Variants in ITSN1 observed in about 807,000 individuals in gnomAD.
The protein encoded by ITSN1 is intersectin 1, also known as intersectin-1.
A neutral mutation model predicts 239.8 loss-of-function variants in ITSN1; 58 were observed. The ratio of observed to expected loss-of-function variants is 0.24; its 90% CI spans 0.20 to 0.30. ITSN1 has a LOEUF of 0.30. Among genes scored for constraint, ITSN1 ranks in the 10% least tolerant of loss-of-function variants. ITSN1 has a pLI of 1.00. For missense variants in ITSN1, 1,558 were observed against 2,103.3 expected (o/e 0.74, Z 5.07); for synonymous variants, 780 against 770.8 (o/e 1.01, Z -0.20).
At chr21:33,744,400 T>G (rs1030070581) in intron 5 of ITSN1, among the ~76,000 whole-genome samples, 1 of 152,116 alleles carries the variant, frequency 6.6e-6, no homozygotes, top group Admixed American at 6.6e-5. Context: ...ATTTTCAAAT[T>G]GAAAGTATTA....
chr21:33,666,198 T>C (rs569610972), intron 1 of ITSN1, among the ~76,000 whole-genome samples: 5 of 152,346 alleles, frequency 3.3e-5, no homozygotes, highest in East Asian at 1.9e-4. Context: ...TCCAAAGTGC[T>C]GGGATTACAG....
At chr21:33,725,224 C>T (rs139462483) in intron 4 of ITSN1, among the ~76,000 whole-genome samples, 15,231 of 148,506 alleles carry the variant, frequency 0.1, 926 homozygotes, top group East Asian at 0.26. Flanking sequence ...CAACCTCTGC[C>T]TCCCGGCTTC....
chr21:33,869,764 T>TG (rs1982389505), intron 33 of ITSN1, among the ~76,000 whole-genome samples: 1 of 152,082 alleles, frequency 6.6e-6, no homozygotes, highest in South Asian at 2.1e-4. Context: ...ATGTGGGCAC[T>TG]GGCGTGCTCA....
intron 1 of ITSN1, among the ~76,000 whole-genome samples, chr21:33,703,118 C>G (rs1601728902): frequency 7.6e-6 from 1 of 131,930 alleles, no homozygotes; most frequent in Non-Finnish European, 1.6e-5. Flanking sequence ...TGTGTGTATA[C>G]ACATATATAC....
chr21:33,704,903 A>G (rs532108418), intron 1 of ITSN1, among the ~76,000 whole-genome samples: 2 of 147,216 alleles, frequency 1.4e-5, no homozygotes, highest in East Asian at 2.0e-4. Context: ...CCTGGCTAAC[A>G]TGGAGAAACC....
At chr21:33,734,511 A>G (rs2066378638) in intron 4 of ITSN1, among the ~76,000 whole-genome samples, 1 of 152,188 alleles carries the variant, frequency 6.6e-6, no homozygotes, top group South Asian at 2.1e-4. Flanking sequence ...CTAGCATAGC[A>G]TAAGTAGGTA....
intron 4 of ITSN1, among the ~76,000 whole-genome samples, chr21:33,723,946 G>A (rs2065660087): frequency 6.6e-6 from 1 of 152,130 alleles, no homozygotes; most frequent in Non-Finnish European, 1.5e-5. Context: ...TAATCTTGTG[G>A]AAATTAATAA....
chr21:33,732,319 G>T lies in ITSN1; in HGVS notation c.186-2725G>T, dbSNP rs1253816876. Among the ~76,000 whole-genome samples the T allele has an allele frequency of 7.2e-5, 11 of 152,220 alleles. No homozygotes were observed. The East Asian group carries it at 2.1e-3, about 29-fold the overall frequency. ...GGGCCTGAATTCCAAAAGGGAGGAG[G>T]GTATAATGAGGCATGTCTGACTTCC... On this transcript the variant is annotated intron_variant, in intron 4 of 39. Transcript: ENST00000381318.
At chr21:33,834,871 T>TC (rs34437762) in intron 28 of ITSN1, among the ~76,000 whole-genome samples, 1 of 152,064 alleles carries the variant, frequency 6.6e-6, no homozygotes, top group African/African-American at 2.4e-5. Context: ...CCAAAATAGC[T>TC]CCCCTGTGAC....
intron 8 of ITSN1, among the ~76,000 whole-genome samples, chr21:33,756,281 C>A (rs1374249660): frequency 4.3e-5 from 6 of 140,264 alleles, no homozygotes; most frequent in Non-Finnish European, 9.2e-5. Context: ...GAGTGAGACT[C>A]CGTCTCAAAA....
chr21:33,778,578 T>A (rs925492310), intron 14 of ITSN1, among the ~76,000 whole-genome samples: 9 of 116,858 alleles, frequency 7.7e-5, no homozygotes, highest in African/African-American at 3.5e-4. Flanking sequence ...TCTCTTTTTT[T>A]TTTTTTTTTT....
intron 1 of ITSN1, among the ~76,000 whole-genome samples, chr21:33,681,626 A>ATTTTATT (rs773573417): frequency 2.9e-5 from 1 of 34,742 alleles, no homozygotes; most frequent in Admixed American, 2.1e-4. Context: ...TTTTTATTTT[A>ATTTTATT]TTTTATTTTA....
rs553520752 is a variant in ITSN1 at position 33,888,765 on chromosome 21, A to G, written c.*465A>G. On this transcript the variant is annotated 3_prime_UTR_variant, in exon 40 of 40. Transcript: ENST00000381318. ...CCCAGTCCTTGGTGTGAGTTTAGAA[A>G]CAATTATGACGGTCCTGTCATTGCT... The G allele has an allele frequency of 1.9e-3, 295 of 153,444 alleles. No homozygotes were observed. Among genetic ancestry groups the G allele is most frequent in the Non-Finnish European group, 3.4e-3 (236 of 68,894 alleles). The allele number at this position is 153,444 out of a possible 1,614,324, so 9.5% of individuals were successfully genotyped here. A position where few individuals can be genotyped will look rare whatever the true frequency, so the allele number is the denominator to read the frequency against.
rs74756392 is a variant in ITSN1 at position 33,762,514 on chromosome 21, C to T, written c.788+528C>T. On this transcript the variant is annotated intron_variant, in intron 9 of 39. Transcript: ENST00000381318. ...TCCCAACCTCAGATGATCCACCCGC[C>T]TCAGCCTCCCAAAGTGCTGGAATTA... Among the ~76,000 whole-genome samples the T allele has an allele frequency of 8.1e-4, 123 of 152,282 alleles. 2 individuals are homozygous for T. In the East Asian group the frequency reaches 0.021, roughly 26 times the overall value.
rs1443009054 is a variant in ITSN1, at chr21:33,750,293, T to C, written c.497T>C (p.Ile166Thr). ...CTGGCTAACGGGGCTCCCCCTGTTATACAACCTCTGCCTGCATTTGCTCAT... is the reference window on the plus strand; with the variant it reads ...CTGGCTAACGGGGCTCCCCCTGTTACACAACCTCTGCCTGCATTTGCTCAT... ...PPLANGAPPV[I>T]QPLPAFAHPA... The change falls in exon 6 of 40, where the codon ATA becomes ACA. Residue 166 changes from isoleucine to threonine, a missense_variant. Ile to Thr is a moderately conservative substitution (Grantham distance 89, BLOSUM62 -1). This residue lies in a region of ITSN1 where 982 missense variants were observed against 1,209.9 expected (regional missense o/e 0.81). Transcript: ENST00000381318. 3 of 1,613,604 alleles carry C rather than the reference T, an allele frequency of 1.9e-6. No homozygotes were observed. Among genetic ancestry groups the C allele is most frequent in the African/African-American group, 1.3e-5 (1 of 75,066 alleles).
intron 1 of ITSN1, among the ~76,000 whole-genome samples, chr21:33,698,574 C>T (rs1043460112): frequency 6.6e-6 from 1 of 152,226 alleles, no homozygotes; most frequent in Non-Finnish European, 1.5e-5. Flanking sequence ...TCTTCTACTT[C>T]AAATAGCACA....
intron 9 of ITSN1, among the ~76,000 whole-genome samples, chr21:33,762,286 G>A (rs1354843247): frequency 6.7e-6 from 1 of 149,154 alleles, no homozygotes; most frequent in African/African-American, 2.5e-5. Flanking sequence ...TTTTTTTTGA[G>A]ATGGAGTTTT....
chr21:33,769,662 TCTCTC>T (rs796406645), intron 11 of ITSN1, among the ~76,000 whole-genome samples: 22 of 151,908 alleles, frequency 1.4e-4, no homozygotes, highest in African/African-American at 5.1e-4. Context: ...GGGAGACAGA[TCTCTC>T]CTCTCTCTGT....
intron 12 of ITSN1, among the ~76,000 whole-genome samples, chr21:33,772,616 A>G (rs1443785153): frequency 2.6e-5 from 4 of 152,160 alleles, no homozygotes; most frequent in East Asian, 1.9e-4. Flanking sequence ...GGAATCATCA[A>G]TATATGGACT....
Sources: allele counts gnomAD v4.1 joint callset (sites outside exome capture counted in the v4.1 genomes callset), GRCh38; gene constraint gnomAD v4.1.1; regional missense constraint gnomAD v4.1.1; transcripts MANE v1.5; gene names NCBI Gene and HGNC (gene_info 2026-07-23, HGNC 2026-07-21).